WDR64: variants seen among roughly 807,000 people sequenced by gnomAD.
WDR64 encodes the protein WD repeat domain 64, also known as WD repeat-containing protein 64.
A neutral mutation model predicts 139.3 loss-of-function variants in WDR64; 112 were observed. The observed-to-expected ratio is 0.80, with a 90% CI of 0.69 to 0.94. The LOEUF (loss-of-function observed/expected upper bound fraction) is 0.94. Among genes scored for constraint, WDR64 ranks in the 40% least tolerant of loss-of-function variants. The pLI, the probability that WDR64 is intolerant of heterozygous loss-of-function variation, is 0.00. For missense variants in WDR64, 1,206 were observed against 1,293.1 expected (o/e 0.93, Z 1.03); for synonymous variants, 444 against 437.7 (o/e 1.01, Z -0.18).
intron 8 of WDR64, among the ~76,000 whole-genome samples, chr1:241,689,996 C>A (rs1667153078): frequency 6.6e-6 from 1 of 151,344 alleles, no homozygotes; most frequent in Admixed American, 6.6e-5. Context: ...GATGAGAACA[C>A]CAGAAGAAGA....
chr1:241,796,074 CCT>C (rs774178305), intron 26 of WDR64, among the ~76,000 whole-genome samples, 181 bp from the exon 27 acceptor site: 14 of 151,660 alleles, frequency 9.2e-5, no homozygotes, highest in Admixed American at 3.3e-4. Context: ...ATAATGGGGC[CCT>C]GTCTCTATTT....
At chr1:241,770,466 C>A (rs886799825) in intron 17 of WDR64, 155 bp from the exon 18 acceptor site, 1 of 584,774 alleles carries the variant, frequency 1.7e-6, no homozygotes, top group Non-Finnish European at 3.0e-6. Flanking sequence ...ACATTTATTA[C>A]ACAGAATATA....
intron 15 of WDR64, among the ~76,000 whole-genome samples, chr1:241,763,189 C>T (rs1472130404): frequency 1.3e-5 from 2 of 151,584 alleles, no homozygotes; most frequent in African/African-American, 4.9e-5. Context: ...GAGTCAGAAC[C>T]AGGCAGTTAA....
intron 23 of WDR64, among the ~76,000 whole-genome samples, chr1:241,786,624 G>C (rs9428516): frequency 0.22 from 33,575 of 152,122 alleles, 4,038 homozygotes; most frequent in East Asian, 0.42. Context: ...TGTGGATGGA[G>C]GTTGAGGAGA....
Position 241,738,340 on chromosome 1 carries a change from A to T in WDR64, c.1195-23A>T, listed in dbSNP as rs1254925084. 4 of 1,609,110 alleles carry T rather than the reference A, an allele frequency of 2.5e-6. No individual in the cohort carries two copies. The South Asian group carries it at 4.5e-5, about 18-fold the overall frequency. ...AGAAAGGTGAGTATAAATAGTGGTA[A>T]ACTGTGTTTGTTATTCTTCCAGGTT... is the stretch of plus-strand genomic sequence containing the variant. On this transcript the variant is annotated intron_variant, in intron 10 of 27. Coordinates refer to ENST00000437684, the MANE Select transcript of WDR64 (RefSeq NM_001367482.1).
intron 11 of WDR64, 42 bp from the exon 12 acceptor site, chr1:241,741,473 CT>C: frequency 6.5e-7 from 1 of 1,547,696 alleles, no homozygotes; most frequent in Non-Finnish European, 8.7e-7. Flanking sequence ...TGATTAGAAA[CT>C]TCTAATATTG....
At position 241,741,602 on chromosome 1, in the gene WDR64, G is replaced by T. The variant is rs1669543554; in HGVS notation, c.1408G>T (p.Val470Phe). ...VPHTHEREINVMLYNKYFHQV... is the reference protein window; with the variant it reads ...VPHTHEREINFMLYNKYFHQV... ...TCACACTCATGAACGAGAAATCAAT[G>T]TCATGCTTTACAACAAATATTTTCA... is the stretch of plus-strand genomic sequence containing the variant. The change falls in exon 12 of 28, where the codon GTC (valine) becomes TTC (phenylalanine). Residue 470 changes from valine (V) to phenylalanine (F), a missense_variant. By Grantham distance (50) the Val-to-Phe change is conservative (BLOSUM62 -1). Coordinates refer to ENST00000437684, the MANE Select transcript of WDR64 (RefSeq NM_001367482.1). 1 of 1,613,276 alleles carries T rather than the reference G, an allele frequency of 6.2e-7. No homozygotes were observed. The highest frequency in any genetic ancestry group is 1.3e-5 in the African/African-American group (1 of 74,894).
At chr1:241,694,483 GTAA>G (rs139811190) in intron 8 of WDR64, among the ~76,000 whole-genome samples, 2,832 of 152,174 alleles carry the variant, frequency 0.019, 87 homozygotes, top group African/African-American at 0.065. Context: ...TTTAGTTTCT[GTAA>G]TATAATTAAC....
chr1:241,735,133 TATA>T (rs1330563387), intron 10 of WDR64, among the ~76,000 whole-genome samples: 5 of 152,256 alleles, frequency 3.3e-5, no homozygotes, highest in East Asian at 1.9e-4. Flanking sequence ...GCATGTTTTA[TATA>T]ATATTTATAG....
intron 8 of WDR64, among the ~76,000 whole-genome samples, chr1:241,698,707 A>G (rs1667588612): frequency 6.6e-6 from 1 of 151,704 alleles, no homozygotes; most frequent in South Asian, 2.1e-4. Flanking sequence ...CTGTCCCCCA[A>G]CCTCCAGAAA....
chr1:241,759,889 C>G (rs1670358714), intron 15 of WDR64, among the ~76,000 whole-genome samples: 1 of 152,210 alleles, frequency 6.6e-6, no homozygotes, highest in East Asian at 1.9e-4. Flanking sequence ...TTCCCCTTCT[C>G]TCCAGCTCCT....
intron 24 of WDR64, among the ~76,000 whole-genome samples, chr1:241,790,152 A>T (rs1011473773): frequency 1.3e-5 from 2 of 152,136 alleles, no homozygotes; most frequent in Non-Finnish European, 2.9e-5. Flanking sequence ...GGAGTTCGAG[A>T]CCAGCCTGGC....
chr1:241,725,758 C>T (rs1181404859), intron 10 of WDR64, among the ~76,000 whole-genome samples: 1 of 152,008 alleles, frequency 6.6e-6, no homozygotes, highest in Non-Finnish European at 1.5e-5. Flanking sequence ...ATGGCTAGTC[C>T]GAATTGAGGT....
intron 10 of WDR64, among the ~76,000 whole-genome samples, chr1:241,726,555 T>C (rs1185073387): frequency 6.6e-6 from 1 of 152,040 alleles, no homozygotes; most frequent in Non-Finnish European, 1.5e-5. Flanking sequence ...GATGTACCAA[T>C]AAAGTAAAAT....
At chr1:241,721,659 A>T (rs1279582596) in intron 9 of WDR64, among the ~76,000 whole-genome samples, 1 of 149,780 alleles carries the variant, frequency 6.7e-6, no homozygotes, top group Non-Finnish European at 1.5e-5. Context: ...CCCAGTTTGA[A>T]GTTCTTTGAT....
Position 241,738,473 on chromosome 1 carries a change from T to G in WDR64, c.1305T>G (p.His435Gln), listed in dbSNP as rs756153372. Residue 435 changes from histidine to glutamine, a missense_variant, in exon 11 of 28, where the codon CAT becomes CAG. Transcript: ENST00000437684. ...ACTCTATGATATATGATGCCAATCA[T>G]GGCATGCTTATTACGGGTAAGTGTA... ...QIYSMIYDAN[H>Q]GMLITGSSVM... The G allele has an allele frequency of 8.7e-6, 14 of 1,611,864 alleles. No individual in the cohort carries two copies.
chr1:241,754,282 G>A (rs1356385077), intron 14 of WDR64, among the ~76,000 whole-genome samples: 2 of 149,948 alleles, frequency 1.3e-5, no homozygotes, highest in Non-Finnish European at 3.0e-5. Flanking sequence ...GGATACATGT[G>A]CAGAACGTGC....
intron 27 of WDR64, 54 bp downstream of exon 27, chr1:241,796,424 G>A: frequency 1.7e-6 from 2 of 1,201,948 alleles, no homozygotes; most frequent in South Asian, 1.4e-5. Flanking sequence ...TCCTATTTCT[G>A]TTTGTTTTTT....
rs35435449 is a variant in WDR64 at position 241,790,703 on chromosome 1, TAAAAA to T, written c.2997+21_2997+25del. The T allele has an allele frequency of 1.0e-4, 128 of 1,284,522 alleles. No homozygotes were observed. Among genetic ancestry groups the T allele is most frequent in the South Asian group, 1.9e-4 (13 of 70,172 alleles). 79.6% of individuals were successfully genotyped at this position (1,284,522 alleles called of 1,614,324 possible). A position where few individuals can be genotyped will look rare whatever the true frequency, so the allele number is the denominator to read the frequency against. ...GTCTCTTTCTTCTCCTAAGGTAGCT[TAAAAA>T]AAAAAAAAAAAAAGAAATGGCAACA... On this transcript the variant is annotated splice_region_variant and intron_variant, in intron 25 of 27. Transcript: ENST00000437684.
Sources: gnomAD v4.1 joint callset for allele counts (sites outside exome capture counted in the v4.1 genomes callset) on GRCh38, gnomAD v4.1.1 for gene constraint, MANE v1.5 for transcripts, NCBI Gene and HGNC (gene_info 2026-07-23, HGNC 2026-07-21) for gene names.